Variants in KLHL1 observed in about 807,000 individuals in gnomAD.
The protein encoded by KLHL1 is kelch like family member 1.
KLHL1 carries 47 observed loss-of-function variants against 77.7 expected under a neutral mutation model. That is an observed-to-expected ratio of 0.60 (90% CI 0.48 to 0.77). The LOEUF (loss-of-function observed/expected upper bound fraction) is 0.77, where lower values mean the gene tolerates loss of function less well. Ranked by LOEUF, KLHL1 falls within the 30% of genes least tolerant of loss-of-function variation. The pLI is 0.00. For synonymous variants in KLHL1, 360 were observed against 325.2 expected (o/e 1.11, Z -1.15); for missense variants, 925 against 910.8 (o/e 1.02, Z -0.20).
At chr13:70,088,918 A>T (rs940977088) in intron 1 of KLHL1, among the ~76,000 whole-genome samples, 1 of 152,092 alleles carries the variant, frequency 6.6e-6, no homozygotes, top group Admixed American at 6.6e-5. Flanking sequence ...TTGGCTCATA[A>T]ATCTATTTAC....
At chr13:69,872,367 G>A (rs1479767329) in intron 5 of KLHL1, among the ~76,000 whole-genome samples, 1 of 152,158 alleles carries the variant, frequency 6.6e-6, no homozygotes, top group East Asian at 1.9e-4. Context: ...AAGCTTGTAT[G>A]ACATAAAGTT....
At chr13:69,852,739 T>A (rs1399127667) in intron 5 of KLHL1, among the ~76,000 whole-genome samples, 1 of 151,946 alleles carries the variant, frequency 6.6e-6, no homozygotes, top group East Asian at 1.9e-4. Context: ...ATCATGCAAG[T>A]CAATAAGGGA....
intron 1 of KLHL1, among the ~76,000 whole-genome samples, chr13:70,080,657 C>T (rs564725493): frequency 2.6e-5 from 4 of 152,138 alleles, no homozygotes; most frequent in East Asian, 3.9e-4. Flanking sequence ...GGTGCAGTGT[C>T]GTGATCTTGG....
At chr13:70,026,883 T>G (rs1385519352) in intron 1 of KLHL1, among the ~76,000 whole-genome samples, 1 of 151,964 alleles carries the variant, frequency 6.6e-6, no homozygotes, top group African/African-American at 2.4e-5. Context: ...GGACTAAAAG[T>G]TGTTAGAAGA....
At chr13:69,754,122 G>A (rs1010855697) in intron 7 of KLHL1, among the ~76,000 whole-genome samples, 5 of 152,004 alleles carry the variant, frequency 3.3e-5, no homozygotes, top group Admixed American at 3.3e-4. Flanking sequence ...GATTACAGGT[G>A]TGAGTCATTG....
At chr13:70,039,405 G>C (rs945030579) in intron 1 of KLHL1, among the ~76,000 whole-genome samples, 8 of 151,904 alleles carry the variant, frequency 5.3e-5, no homozygotes, top group Admixed American at 5.2e-4. Flanking sequence ...TTTCTAATTT[G>C]ACTTTTTGTT....
intron 7 of KLHL1, among the ~76,000 whole-genome samples, chr13:69,749,121 T>A (rs555883939): frequency 1.3e-5 from 2 of 152,154 alleles, no homozygotes; most frequent in South Asian, 2.1e-4. Flanking sequence ...TGTGATGATT[T>A]CCTTGCAGAA....
intron 5 of KLHL1, among the ~76,000 whole-genome samples, chr13:69,847,545 G>T (rs923770387): frequency 2.6e-4 from 39 of 151,296 alleles, no homozygotes; most frequent in African/African-American, 9.0e-4. Context: ...AATACTTAAA[G>T]AAAAATAAGT....
At chr13:69,855,216 T>C (rs1269245633) in intron 5 of KLHL1, among the ~76,000 whole-genome samples, 1 of 152,006 alleles carries the variant, frequency 6.6e-6, no homozygotes, top group Non-Finnish European at 1.5e-5. Flanking sequence ...AGTTAGAGTG[T>C]AGAAAGACTT....
At chr13:70,044,371 T>C (rs972215701) in intron 1 of KLHL1, among the ~76,000 whole-genome samples, 1 of 152,326 alleles carries the variant, frequency 6.6e-6, no homozygotes, top group South Asian at 2.1e-4. Context: ...TCTAGAATAG[T>C]ACTATTTAGC....
At chr13:69,913,533 T>G (rs1332860012) in intron 4 of KLHL1, among the ~76,000 whole-genome samples, 1 of 152,220 alleles carries the variant, frequency 6.6e-6, no homozygotes, top group African/African-American at 2.4e-5. Flanking sequence ...TTTTGTTGTT[T>G]CAGTGACGTA....
intron 3 of KLHL1, among the ~76,000 whole-genome samples, chr13:69,947,264 T>C (rs1771181827): frequency 6.6e-6 from 1 of 152,046 alleles, no homozygotes; most frequent in Non-Finnish European, 1.5e-5. Context: ...AGGAATAAAA[T>C]CCCAGAGGAT....
intron 4 of KLHL1, among the ~76,000 whole-genome samples, chr13:69,924,415 C>T (rs755528445): frequency 6.6e-6 from 1 of 152,078 alleles, no homozygotes; most frequent in Admixed American, 6.5e-5. Context: ...CAGCCAGACT[C>T]GAGAGTCATT....
At chr13:69,743,396 A>G (rs1035508906) in intron 7 of KLHL1, among the ~76,000 whole-genome samples, 2 of 152,230 alleles carry the variant, frequency 1.3e-5, no homozygotes, top group Admixed American at 6.5e-5. Context: ...GTTCAAACAG[A>G]TAAAAGTGAA....
At chr13:69,916,894 T>A (rs902616066) in intron 4 of KLHL1, among the ~76,000 whole-genome samples, 2 of 152,054 alleles carry the variant, frequency 1.3e-5, no homozygotes, top group Non-Finnish European at 2.9e-5. Context: ...ATTGGTATTT[T>A]TTTAGAAGCC....
intron 1 of KLHL1, among the ~76,000 whole-genome samples, chr13:70,028,348 T>C (rs1466545911): frequency 6.6e-6 from 1 of 152,132 alleles, no homozygotes; most frequent in Non-Finnish European, 1.5e-5. Flanking sequence ...TAATTCAGTA[T>C]ATATATAGAC....
At chr13:70,014,581 G>A (rs1885612801) in intron 1 of KLHL1, among the ~76,000 whole-genome samples, 1 of 151,956 alleles carries the variant, frequency 6.6e-6, no homozygotes, top group Non-Finnish European at 1.5e-5. Flanking sequence ...TAAAGTCTGT[G>A]TGTTTTTCAT....
chr13:69,797,335 C>T (rs968617937), intron 6 of KLHL1, among the ~76,000 whole-genome samples: 1 of 152,072 alleles, frequency 6.6e-6, no homozygotes, highest in African/African-American at 2.4e-5. Context: ...TTTATGAAAG[C>T]CCTTTTAAAT....
At chr13:69,969,109 C>A (rs1197748915) in intron 2 of KLHL1, among the ~76,000 whole-genome samples, 1 of 151,840 alleles carries the variant, frequency 6.6e-6, no homozygotes, top group South Asian at 2.1e-4. Flanking sequence ...TTTTATCTTA[C>A]ATATAAGGTA....
Sources: gnomAD v4.1 joint callset for allele counts (sites outside exome capture counted in the v4.1 genomes callset) on GRCh38, gnomAD v4.1.1 for gene constraint, MANE v1.5 for transcripts, NCBI Gene and HGNC (gene_info 2026-07-23, HGNC 2026-07-21) for gene names.